Variants in KLRG1 observed in about 807,000 individuals in gnomAD.
KLRG1 encodes killer cell lectin-like receptor subfamily G member 1.
KLRG1 carries 16 observed loss-of-function variants against 21.8 expected under a neutral mutation model. The ratio of observed to expected loss-of-function variants is 0.73; its 90% CI spans 0.50 to 1.11. KLRG1 has a LOEUF of 1.11. Among genes scored for constraint, KLRG1 ranks in the 50% most tolerant of loss-of-function variants. KLRG1 has a pLI of 0.00. For synonymous variants in KLRG1, 69 were observed against 75.9 expected (o/e 0.91, Z 0.47); for missense variants, 173 against 218.3 (o/e 0.79, Z 1.31).
chr12:9,029,046 T>C, the KLRG1 span: 4 of 548,678 alleles, frequency 7.3e-6, no homozygotes, highest in Non-Finnish European at 1.4e-5. Context: ...AATGAAGAGC[T>C]TCCTCCGCTG....
the KLRG1 span, among the ~76,000 whole-genome samples, chr12:9,178,765 G>A: frequency 6.6e-6 from 1 of 152,164 alleles, no homozygotes; most frequent in Non-Finnish European, 1.5e-5. Flanking sequence ...TGGGTTCAGT[G>A]CTATCCACAG....
chr12:9,071,358 G>A, the KLRG1 span, among the ~76,000 whole-genome samples: 1 of 151,998 alleles, frequency 6.6e-6, no homozygotes, highest in Non-Finnish European at 1.5e-5. Flanking sequence ...TCTTGTCCCC[G>A]AGAGTTTGCA....
chr12:9,151,612 C>T, the KLRG1 span: 12 of 1,613,670 alleles, frequency 7.4e-6, no homozygotes, highest in African/African-American at 1.6e-4. Flanking sequence ...ACCTGTTCCA[C>T]ATAAATGAGG....
At chr12:9,077,230 T>C in the KLRG1 span, 1 of 1,022,536 alleles carries the variant, frequency 9.8e-7, no homozygotes, top group African/African-American at 1.6e-5. Flanking sequence ...AGCACTGGCA[T>C]TGCATAGAAA....
the KLRG1 span, chr12:9,106,272 G>A: frequency 6.2e-7 from 1 of 1,612,458 alleles, no homozygotes. Flanking sequence ...GAAAGTGTGA[G>A]TCCACTTTCA....
chr12:9,207,983 A>G, the KLRG1 span, among the ~76,000 whole-genome samples: 1 of 152,176 alleles, frequency 6.6e-6, no homozygotes, highest in East Asian at 1.9e-4. Context: ...TTCCATCCAA[A>G]AGAACTGTTC....
the KLRG1 span, among the ~76,000 whole-genome samples, chr12:9,076,191 G>T: frequency 1.3e-5 from 2 of 152,162 alleles, no homozygotes; most frequent in Admixed American, 1.3e-4. Flanking sequence ...AATGTACCAG[G>T]TAAGGGTTGG....
At chr12:9,192,156 T>G in the KLRG1 span, 1 of 1,564,098 alleles carries the variant, frequency 6.4e-7, no homozygotes. Flanking sequence ...AAGGATGTGT[T>G]AGGGGAGCAA....
chr12:9,125,825 C>T, the KLRG1 span, among the ~76,000 whole-genome samples: 2 of 152,312 alleles, frequency 1.3e-5, no homozygotes. Context: ...ACCTCCACCT[C>T]CCGGGTTCAA....
the KLRG1 span, among the ~76,000 whole-genome samples, chr12:9,138,929 A>T: frequency 1.4e-5 from 2 of 147,712 alleles, no homozygotes; most frequent in South Asian, 2.1e-4. Context: ...TTCTTGTTTT[A>T]TTTATTTCTT....
the KLRG1 span, among the ~76,000 whole-genome samples, chr12:9,074,087 TA>T: frequency 9.1e-3 from 1,198 of 131,552 alleles, 12 homozygotes; most frequent in African/African-American, 0.022. Flanking sequence ...GACTCTGTCT[TA>T]AAAAAAAAAA....
intron 1 of KLRG1, among the ~76,000 whole-genome samples, chr12:8,966,319 A>G (rs1011515748): frequency 4.6e-5 from 7 of 152,144 alleles, no homozygotes; most frequent in African/African-American, 1.7e-4. Context: ...AATGGCAACA[A>G]AAGCCAAAAT....
the KLRG1 span, among the ~76,000 whole-genome samples, chr12:9,122,633 GATT>G: frequency 6.6e-6 from 1 of 152,180 alleles, no homozygotes; most frequent in Non-Finnish European, 1.5e-5. Flanking sequence ...TATGCTAAAA[GATT>G]ATTTTGCTAA....
At chr12:9,089,964 C>T in the KLRG1 span, 1 of 1,611,856 alleles carries the variant, frequency 6.2e-7, no homozygotes, top group Non-Finnish European at 8.5e-7. Flanking sequence ...GAAGGCACCT[C>T]AGTCCCACAC....
chr12:9,192,560 CA>C, the KLRG1 span: 1 of 1,614,166 alleles, frequency 6.2e-7, no homozygotes. Context: ...CCTGTCTATT[CA>C]GTGTATAGTG....
the KLRG1 span, among the ~76,000 whole-genome samples, chr12:9,140,735 G>A: frequency 6.6e-6 from 1 of 152,048 alleles, no homozygotes; most frequent in Non-Finnish European, 1.5e-5. Context: ...AAGATAACTT[G>A]GGGGTACTGG....
the KLRG1 span, among the ~76,000 whole-genome samples, chr12:9,137,952 T>C: frequency 2.6e-5 from 4 of 152,132 alleles, no homozygotes; most frequent in Non-Finnish European, 1.5e-5. Flanking sequence ...CATAATATAA[T>C]GGCATCAGCA....
chr12:9,167,244 C>G, the KLRG1 span: 1 of 152,198 alleles, frequency 6.6e-6, no homozygotes, highest in Non-Finnish European at 1.5e-5. Flanking sequence ...CCCTCCAACT[C>G]CTCCAGTTAT....
At chr12:9,091,424 G>A in the KLRG1 span, 2 of 1,614,148 alleles carry the variant, frequency 1.2e-6, no homozygotes, top group Non-Finnish European at 1.7e-6. Context: ...AGCCACACCT[G>A]CTGAGCTGGA....
Sources: allele counts gnomAD v4.1 joint callset (sites outside exome capture counted in the v4.1 genomes callset), GRCh38; gene constraint gnomAD v4.1.1; transcripts MANE v1.5; gene names NCBI Gene and HGNC (gene_info 2026-07-23, HGNC 2026-07-21).